ZC3H12A: variants seen among roughly 807,000 people sequenced by gnomAD.
ZC3H12A encodes zinc finger CCCH-type containing 12A.
A neutral mutation model predicts 29.9 loss-of-function variants in ZC3H12A; 9 were observed. The ratio of observed to expected loss-of-function variants is 0.30; its 90% CI spans 0.18 to 0.53. The LOEUF is 0.53. ZC3H12A is among the 20% of genes least tolerant of loss of function. The pLI is 0.96. For synonymous variants in ZC3H12A, 323 were observed against 338.1 expected (o/e 0.96, Z 0.49); for missense variants, 617 against 799.0 (o/e 0.77, Z 2.75).
rs1641558406 is a variant in ZC3H12A, at chr1:37,475,223, C to A, written c.-38-236C>A. ...TTCAGACTAAGTTCCGATCTTCGAG[C>A]CACCAGCTAACAGCTGGATGACCTT... On this transcript the variant is annotated intron_variant, in intron 1 of 5. Transcript: ENST00000373087. This position sits in a 1 kb window ranked among gnomAD's most constrained non-coding sequence, Gnocchi z 5.2. Among the ~76,000 whole-genome samples the A allele has an allele frequency of 1.3e-5, 2 of 152,260 alleles. No homozygotes were observed. Among genetic ancestry groups the A allele is most frequent in the African/African-American group, 2.4e-5 (1 of 41,472 alleles).
rs1641644701 is a variant in ZC3H12A, at chr1:37,478,921, C to T, written c.444-1369C>T. ...GCTGCCCTGGGCTGGACTTTGTCTC[C>T]CCTACAATTTAGAGACCTTCAGACC... On this transcript the variant is annotated intron_variant, in intron 2 of 5. Coordinates refer to ENST00000373087, the MANE Select transcript of ZC3H12A (RefSeq NM_025079.3). This position sits in a 1 kb window ranked among gnomAD's most constrained non-coding sequence, Gnocchi z 5.2. The T allele has an allele frequency of 1.0e-6, 1 of 985,140 alleles. No individual in the cohort carries two copies. The highest frequency in any genetic ancestry group is 4.7e-5 in the South Asian group (1 of 21,282). 61.0% of individuals were successfully genotyped at this position (985,140 alleles called of 1,614,324 possible).
In ZC3H12A at chr1:37,478,354, A is replaced by G. The variant is rs530890570; in HGVS notation, c.444-1936A>G. Among the ~76,000 whole-genome samples the G allele has an allele frequency of 4.6e-5, 7 of 152,330 alleles. No homozygotes were observed. The South Asian group carries it at 8.3e-4, about 18-fold the overall frequency. On this transcript the variant is annotated intron_variant, in intron 2 of 5. Transcript: ENST00000373087. This position sits in a 1 kb window ranked among gnomAD's most constrained non-coding sequence, Gnocchi z 5.2. The stretch of plus-strand genomic sequence containing the variant: ...CTGTCTCTCATAACACACTTTGTTC[A>G]AACTCAATTTTGGGAGCTTTGTTCT...
At position 37,475,226 on chromosome 1, in the gene ZC3H12A, C is replaced by A. The variant is rs1040212216; in HGVS notation, c.-38-233C>A. Among the ~76,000 whole-genome samples the A allele has an allele frequency of 3.3e-5, 5 of 152,246 alleles. No homozygotes were observed. Among genetic ancestry groups the A allele is most frequent in the African/African-American group, 4.8e-5 (2 of 41,468 alleles). Reference sequence around the variant, plus strand: ...AGACTAAGTTCCGATCTTCGAGCCACCAGCTAACAGCTGGATGACCTTGAG... The same window carrying A: ...AGACTAAGTTCCGATCTTCGAGCCAACAGCTAACAGCTGGATGACCTTGAG... On this transcript the variant is annotated intron_variant, in intron 1 of 5. Coordinates refer to ENST00000373087, the MANE Select transcript of ZC3H12A (RefSeq NM_025079.3). The surrounding 1 kb of genome is among the most constrained non-coding windows in gnomAD (Gnocchi z 5.2).
Position 37,483,994 on chromosome 1 carries a change from T to G in ZC3H12A, c.*383T>G. ...GGGTGCCCTGTGCACGCCACCCCACTTCCGCCCTACCCCTGGGACGTTGGC... is the reference window on the plus strand; with the variant it reads ...GGGTGCCCTGTGCACGCCACCCCACGTCCGCCCTACCCCTGGGACGTTGGC... On this transcript the variant is annotated 3_prime_UTR_variant, in exon 6 of 6. Transcript: ENST00000373087. 5.2e-6 allele frequency: 1 copy of G among 191,436 alleles called. No homozygotes were observed. Among genetic ancestry groups the G allele is most frequent in the Non-Finnish European group, 1.1e-5 (1 of 92,028 alleles). 11.9% of individuals were successfully genotyped at this position (191,436 alleles called of 1,614,324 possible).
Position 37,479,245 on chromosome 1 carries a change from C to T in ZC3H12A, c.444-1045C>T. 2 of 985,360 alleles carry T rather than the reference C, an allele frequency of 2.0e-6. No individual in the cohort carries two copies. The highest frequency in any genetic ancestry group is 2.4e-6 in the Non-Finnish European group (2 of 829,914). 61.0% of individuals were successfully genotyped at this position (985,360 alleles called of 1,614,324 possible). A position where few individuals can be genotyped will look rare whatever the true frequency, so the allele number is the denominator to read the frequency against. On this transcript the variant is annotated intron_variant, in intron 2 of 5. Coordinates refer to ENST00000373087, the MANE Select transcript of ZC3H12A (RefSeq NM_025079.3). This position sits in a 1 kb window ranked among gnomAD's most constrained non-coding sequence, Gnocchi z 4.5. ...CTGGGAGCCCCAAGCCCCAGTCCCC[C>T]ATCCCTCAGGAAATCCAGTTGGAAC...
Position 37,481,618 on chromosome 1 carries a change from GA to G in ZC3H12A, c.603del (p.Glu201AspfsTer30). 1 of 1,614,200 alleles carries G rather than the reference GA, an allele frequency of 6.2e-7. No individual in the cohort carries two copies. Among genetic ancestry groups the G allele is most frequent in the Non-Finnish European group, 8.5e-7 (1 of 1,180,028 alleles). ...VPITDQHILR[E>X]LEKKKILVFT... ...CCTCCCAGACCAGCACATCCTGCGG[GA>G]ACTGGAGAAGAAGAAGATCCTGGTG... On this transcript the variant is annotated frameshift_variant, in exon 4 of 6. Transcript: ENST00000373087. LOFTEE classifies it high-confidence loss of function.
chr1:37,482,922 A>T lies in ZC3H12A; in HGVS notation c.1111A>T (p.Ser371Cys). The T allele has an allele frequency of 6.2e-7, 1 of 1,613,678 alleles. No individual in the cohort carries two copies. The highest frequency in any genetic ancestry group is 8.5e-7 in the Non-Finnish European group (1 of 1,180,024). The change falls in exon 6 of 6, where the codon AGT becomes TGT. Residue 371 changes from serine to cysteine, a missense_variant. Physicochemically the swap from Ser to Cys is moderately radical, Grantham distance 112. Coordinates refer to ENST00000373087, the MANE Select transcript of ZC3H12A (RefSeq NM_025079.3). ...CCAGTCCAGCTCTCTGCTAACAGAG[A>T]GTGAGCAGTGCAGCCTGGATGGGAA... ...SSQSSSLLTESEQCSLDGKKL... is the reference protein window; with the variant it reads ...SSQSSSLLTECEQCSLDGKKL...
intron 5 of ZC3H12A, 56 bp from the exon 6 acceptor site, chr1:37,482,681 C>G: frequency 1.2e-6 from 2 of 1,612,064 alleles, no homozygotes; most frequent in Non-Finnish European, 1.7e-6. Flanking sequence ...CTTCCCTGCT[C>G]TCATCCCTGG....
chr1:37,483,247 C>T lies in ZC3H12A; in HGVS notation c.1436C>T (p.Pro479Leu). Residue 479 changes from proline to leucine, a missense_variant, in exon 6 of 6, where the codon CCA (proline) becomes CTA (leucine). By Grantham distance (98) the Pro-to-Leu change is moderately conservative. Transcript: ENST00000373087. ...TACAGTCCCTATGGATCTGAGCTCC[C>T]AGCCACCGCAGCCTTCTCTGCCTTT... is the stretch of plus-strand genomic sequence containing the variant. ...TGYSPYGSEL[P>L]ATAAFSAFGR... 2 of 1,613,946 alleles carry T rather than the reference C, an allele frequency of 1.2e-6. No individual in the cohort carries two copies. Among genetic ancestry groups the T allele is most frequent in the East Asian group, 2.2e-5 (1 of 44,874 alleles).
rs778924283 is a variant in ZC3H12A, at chr1:37,482,602, G to C, written c.925+62G>C. 1.9e-6 allele frequency: 3 copies of C among 1,609,290 alleles called. No individual in the cohort carries two copies. In the South Asian group the frequency reaches 3.3e-5, roughly 18 times the overall value. ...CTCCTGCCCTTCCTCTCACCTGTCT[G>C]CCTGTGCCCTGTTTTCCTCTTGGGG... is the stretch of plus-strand genomic sequence containing the variant. On this transcript the variant is annotated intron_variant, in intron 5 of 5. Coordinates refer to ENST00000373087, the MANE Select transcript of ZC3H12A (RefSeq NM_025079.3).
At chr1:37,482,323 T>G (rs757228827) in intron 4 of ZC3H12A, 111 bp from the exon 5 acceptor site, 1 of 934,438 alleles carries the variant, frequency 1.1e-6, no homozygotes, top group Non-Finnish European at 1.6e-6. Context: ...GCCCCAGTTT[T>G]AGGTGTCACT....
Position 37,479,305 on chromosome 1 carries a change from A to C in ZC3H12A, c.444-985A>C. 1 of 985,368 alleles carries C rather than the reference A, an allele frequency of 1.0e-6. No homozygotes were observed. Among genetic ancestry groups the C allele is most frequent in the Middle Eastern group, 5.2e-4 (1 of 1,914 alleles). 61.0% of individuals were successfully genotyped at this position (985,368 alleles called of 1,614,324 possible). The stretch of plus-strand genomic sequence containing the variant: ...GCAGGGCCATCTTTGGCCTGAAGCC[A>C]CCAGGAAAGCTGTCCCACTGACTGA... On this transcript the variant is annotated intron_variant, in intron 2 of 5. Transcript: ENST00000373087. The surrounding 1 kb of genome is among the most constrained non-coding windows in gnomAD (Gnocchi z 4.5).
In ZC3H12A at chr1:37,479,784, TCCC is replaced by T. The variant is rs1368579694; in HGVS notation, c.444-503_444-501del. On this transcript the variant is annotated intron_variant, in intron 2 of 5. Transcript: ENST00000373087. The surrounding 1 kb of genome is among the most constrained non-coding windows in gnomAD (Gnocchi z 4.5). Reference sequence around the variant, plus strand: ...CTCCTCGGTCAGCCCAGCCGGTGCTTCCCCCGCCCCCACCCACGCTGCAAGAGG... The same window carrying T: ...CTCCTCGGTCAGCCCAGCCGGTGCTTCCGCCCCCACCCACGCTGCAAGAGG... 1 of 985,216 alleles carries T rather than the reference TCCC, an allele frequency of 1.0e-6. No individual in the cohort carries two copies. The highest frequency in any genetic ancestry group is 6.2e-5 in the Admixed American group (1 of 16,244). The allele number at this position is 985,216 out of a possible 1,614,324, so 61.0% of individuals were successfully genotyped here.
rs1641649612 is a variant in ZC3H12A at position 37,479,168 on chromosome 1, T to C, written c.444-1122T>C. On this transcript the variant is annotated intron_variant, in intron 2 of 5. Transcript: ENST00000373087. This position sits in a 1 kb window ranked among gnomAD's most constrained non-coding sequence, Gnocchi z 4.5. ...TCTAAGCTGTTCACTGAGGGGGCAG[T>C]GAGACGTGGGGCTGCTGGTCCTAGG... 1.0e-6 allele frequency: 1 copy of C among 985,324 alleles called. No individual in the cohort carries two copies. Among genetic ancestry groups the C allele is most frequent in the Non-Finnish European group, 1.2e-6 (1 of 829,932 alleles). 61.0% of individuals were successfully genotyped at this position (985,324 alleles called of 1,614,324 possible). A position where few individuals can be genotyped will look rare whatever the true frequency, so the allele number is the denominator to read the frequency against.
In ZC3H12A at chr1:37,482,414, G is replaced by A; in HGVS notation, c.819-20G>A. 5 of 1,600,864 alleles carry A rather than the reference G, an allele frequency of 3.1e-6. No individual in the cohort carries two copies. Among genetic ancestry groups the A allele is most frequent in the South Asian group, 1.1e-5 (1 of 90,240 alleles). ...CCTGCATGGCTCCCACCTCCAGAGA[G>A]TTCTTTGCACCCTCTGCAGGTTTAT... On this transcript the variant is annotated intron_variant, in intron 4 of 5. Transcript: ENST00000373087.
At chr1:37,482,369 C>T in intron 4 of ZC3H12A, 65 bp from the exon 5 acceptor site, 1 of 1,415,026 alleles carries the variant, frequency 7.1e-7, no homozygotes, top group Non-Finnish European at 9.8e-7. Flanking sequence ...CCATCGGCCC[C>T]TTCTCAGCAA....
chr1:37,483,599 C>T lies in ZC3H12A; in HGVS notation c.1788C>T (p.His596=), dbSNP rs769768016. The T allele has an allele frequency of 1.2e-6, 2 of 1,606,612 alleles. No homozygotes were observed. The highest frequency in any genetic ancestry group is 1.3e-5 in the African/African-American group (1 of 74,820). The stretch of plus-strand genomic sequence containing the variant: ...AGATCCTCTCCTACAAGTCCCAGCA[C>T]CCCAGTGAGTAAGCTGCCTGTGGCT... ...AAEILSYKSQ[H]PSE The change falls in exon 6 of 6, where the codon CAC becomes CAT. Residue 596 remains histidine (H), a synonymous_variant. Coordinates refer to ENST00000373087, the MANE Select transcript of ZC3H12A (RefSeq NM_025079.3).
In ZC3H12A at chr1:37,475,387, G is replaced by C. The variant is rs1255882099; in HGVS notation, c.-38-72G>C. On this transcript the variant is annotated intron_variant, in intron 1 of 5. Transcript: ENST00000373087. The surrounding 1 kb of genome is among the most constrained non-coding windows in gnomAD (Gnocchi z 5.2). ...TGTAGTGCCACCAATCCCTCATCCTGCTGGATGTGGTTTTGGGAGGGAGGT... is the reference window on the plus strand; with the variant it reads ...TGTAGTGCCACCAATCCCTCATCCTCCTGGATGTGGTTTTGGGAGGGAGGT... The C allele has an allele frequency of 8.3e-7, 1 of 1,209,748 alleles. No homozygotes were observed. Among genetic ancestry groups the C allele is most frequent in the Non-Finnish European group, 1.2e-6 (1 of 867,592 alleles). The allele number at this position is 1,209,748 out of a possible 1,614,324, so 74.9% of individuals were successfully genotyped here. A position where few individuals can be genotyped will look rare whatever the true frequency, so the allele number is the denominator to read the frequency against.
chr1:37,477,907 G>A lies in ZC3H12A; in HGVS notation c.443+1968G>A, dbSNP rs535547851. ...TGATCAGTTTTTCCATCTGCTGAGG[G>A]AATATTCAGGTGCTAGGGCTGCTGA... is the stretch of plus-strand genomic sequence containing the variant. On this transcript the variant is annotated intron_variant, in intron 2 of 5. Transcript: ENST00000373087. Among the ~76,000 whole-genome samples the A allele has an allele frequency of 5.9e-5, 9 of 152,268 alleles. No homozygotes were observed. The East Asian group carries it at 1.5e-3, about 26-fold the overall frequency.
Sources: gnomAD v4.1 joint callset for allele counts (sites outside exome capture counted in the v4.1 genomes callset) on GRCh38, gnomAD v4.1.1 for gene constraint, Gnocchi (gnomAD v3.1) non-coding constraint, MANE v1.5 for transcripts, NCBI Gene and HGNC (gene_info 2026-07-23, HGNC 2026-07-21) for gene names.